The following CD163L1 variants were observed in gnomAD, a reference collection of about 807,000 sequenced individuals.
CD163L1 encodes the protein scavenger receptor cysteine-rich type 1 protein M160.
Under a neutral mutation model 165.4 loss-of-function variants are expected in CD163L1, and 124 were observed. The observed-to-expected ratio is 0.75, with a 90% confidence interval of 0.65 to 0.87. CD163L1 has a LOEUF of 0.87. CD163L1 is among the 40% of genes least tolerant of loss of function. The pLI is 0.00. For synonymous variants in CD163L1, 585 were observed against 662.2 expected, an observed-to-expected ratio of 0.88 and a Z score of 1.79; for missense variants, 1,525 against 1,799.9, an observed-to-expected ratio of 0.85 and a Z score of 2.76.
At chr12:7,320,894 G>A in the CD163L1 span, 2 of 1,157,268 alleles carry the variant, frequency 1.7e-6, no homozygotes, top group Middle Eastern at 3.8e-4. Context: ...GATAGCTCAG[G>A]CTTTCTCAGT....
chr12:7,366,873 T>C (rs1386771011), intron 18 of CD163L1, among the ~76,000 whole-genome samples: 1 of 152,150 alleles, frequency 6.6e-6, no homozygotes, highest in Non-Finnish European at 1.5e-5. Context: ...AGCCACCATA[T>C]TAAAATAGAA....
chr12:7,389,962 A>ATATATATT (rs1947614217), intron 8 of CD163L1, among the ~76,000 whole-genome samples: 1 of 140,644 alleles, frequency 7.1e-6, no homozygotes, highest in African/African-American at 2.6e-5. Context: ...ATATATATTT[A>ATATATATT]TATATATATA....
chr12:7,432,972 T>A lies in CD163L1; in HGVS notation c.446-236A>T, dbSNP rs1948654487. Reference sequence around the variant, plus strand: ...ATTAGCATGATATTCTTTATCATTTTGCTTTAATTTTATACCTCATTTTTC... The same window carrying A: ...ATTAGCATGATATTCTTTATCATTTAGCTTTAATTTTATACCTCATTTTTC... On this transcript the variant is annotated intron_variant, in intron 3 of 19. Transcript: ENST00000313599. The surrounding 1 kb of genome is among the most constrained non-coding windows in gnomAD (Gnocchi z 4.2). Among the ~76,000 whole-genome samples, 1 of 152,232 alleles carries A rather than the reference T, an allele frequency of 6.6e-6. No individual in the cohort carries two copies. The highest frequency in any genetic ancestry group is 2.1e-4 in the South Asian group (1 of 4,832).
rs267603677 is a variant in CD163L1 at position 7,441,176 on chromosome 12, G to A, written c.102C>T (p.Ser34=). ...CACTAAAACTGCTGATGAGAAAGCA[G>A]GAATTCAGGAGCAGGATGCAAGTTA... ...AVVTCILLLN[S]CFLISSFNGT... The change falls in exon 2 of 20, where the codon TCC becomes TCT. Residue 34 remains serine, a synonymous_variant. Transcript: ENST00000313599. 6.2e-7 allele frequency: 1 copy of A among 1,613,970 alleles called. No individual in the cohort carries two copies. Among genetic ancestry groups the A allele is most frequent in the Non-Finnish European group, 8.5e-7 (1 of 1,179,892 alleles).
chr12:7,340,013 G>A, the CD163L1 span, among the ~76,000 whole-genome samples: 1 of 152,150 alleles, frequency 6.6e-6, no homozygotes, highest in South Asian at 2.1e-4. Context: ...CCTGCAGGTT[G>A]TGTATATTAT....
intron 2 of CD163L1, among the ~76,000 whole-genome samples, chr12:7,438,276 T>C (rs1948766470): frequency 2.0e-5 from 3 of 151,076 alleles, no homozygotes; most frequent in Admixed American, 1.3e-4. Context: ...ATATTGCATA[T>C]ATAAATACTC....
downstream of CD163L1, among the ~76,000 whole-genome samples, chr12:7,353,176 A>G (rs1196567798): frequency 6.6e-6 from 1 of 152,038 alleles, no homozygotes; most frequent in Non-Finnish European, 1.5e-5. Context: ...AATAAATGAA[A>G]TGATAAGTTT....
At chr12:7,393,986 C>T (rs755884639) in intron 8 of CD163L1, among the ~76,000 whole-genome samples, 60 of 152,108 alleles carry the variant, frequency 3.9e-4, no homozygotes, top group African/African-American at 1.4e-3. Flanking sequence ...GTGAAAATGG[C>T]CATACTGCCC....
At chr12:7,392,037 T>C (rs1947666756) in intron 8 of CD163L1, among the ~76,000 whole-genome samples, 2 of 152,112 alleles carry the variant, frequency 1.3e-5, no homozygotes, top group African/African-American at 4.8e-5. Context: ...TTAACAAGGA[T>C]ATCCAGGACT....
rs1307155844 is a variant in CD163L1, at chr12:7,421,154, A to T, written c.766+11262T>A. ...ACGTATATATGTATATATGTGTATA[A>T]ATGTATATATATGTATATATGTATA... On this transcript the variant is annotated intron_variant, in intron 4 of 19. Transcript: ENST00000313599. 1.0e-4 allele frequency among the ~76,000 whole-genome samples: 13 copies of T among 130,402 alleles called. No individual in the cohort carries two copies. The East Asian group carries it at 2.2e-3, about 22-fold the overall frequency. 85.5% of individuals were successfully genotyped at this position (130,402 alleles called of 152,430 possible). A position where few individuals can be genotyped will look rare whatever the true frequency, so the allele number is the denominator to read the frequency against.
At chr12:7,380,381 GTGTGTATATGCGTATACACACATGTA>G (rs1337150961) in intron 8 of CD163L1, among the ~76,000 whole-genome samples, 4 of 140,896 alleles carry the variant, frequency 2.8e-5, no homozygotes, top group African/African-American at 1.1e-4. Context: ...ATACATGTAT[GTGTGTATATGCGTATACACACATGTA>G]TGTGTGTATA....
the CD163L1 span, among the ~76,000 whole-genome samples, chr12:7,320,982 C>T: frequency 1.3e-5 from 2 of 152,170 alleles, no homozygotes; most frequent in Non-Finnish European, 2.9e-5. Flanking sequence ...TGTTGAGCAG[C>T]ATCTCAAGAC....
intron 4 of CD163L1, among the ~76,000 whole-genome samples, chr12:7,429,204 A>T (rs150980795): frequency 1.2e-3 from 189 of 152,206 alleles, no homozygotes; most frequent in Admixed American, 4.0e-3. Flanking sequence ...TTTTAGGTTA[A>T]ATAATAGAAT....
intron 8 of CD163L1, among the ~76,000 whole-genome samples, chr12:7,387,616 C>T (rs1043480561): frequency 6.6e-6 from 1 of 152,136 alleles, no homozygotes; most frequent in Non-Finnish European, 1.5e-5. Context: ...ACCTCCTCTT[C>T]TCTCATCATG....
At chr12:7,439,213 C>G (rs146239194) in intron 2 of CD163L1, 2 of 1,580,386 alleles carry the variant, frequency 1.3e-6, no homozygotes, top group African/African-American at 2.7e-5. Context: ...CAGATTCCAC[C>G]TGGGATTCGA....
At chr12:7,435,933 C>A (rs1371879406) in intron 2 of CD163L1, among the ~76,000 whole-genome samples, 1 of 152,018 alleles carries the variant, frequency 6.6e-6, no homozygotes, top group Non-Finnish European at 1.5e-5. Context: ...AAGATAAAAG[C>A]AAGTCCCAGA....
At chr12:7,440,130 G>C in intron 2 of CD163L1, 1 of 706,398 alleles carries the variant, frequency 1.4e-6, no homozygotes, top group South Asian at 1.8e-5. Context: ...CCGCGCCAGC[G>C]TGGCCACGTC....
chr12:7,342,713 A>C (rs1946645538), downstream of CD163L1, among the ~76,000 whole-genome samples: 1 of 152,200 alleles, frequency 6.6e-6, no homozygotes, highest in African/African-American at 2.4e-5. Flanking sequence ...GGCTCACTGC[A>C]GCCTGGACCT....
chr12:7,375,330 A>G lies in CD163L1; in HGVS notation c.2952T>C (p.Leu984=). Residue 984 remains leucine, a synonymous_variant, in exon 11 of 20, where the codon CTT becomes CTC. Transcript: ENST00000313599. ...SLLDNCQMTV[L]GAPPCIHGNT... is the part of the protein sequence containing the mutation. ...TTCCATGGATACAGGGAGGTGCTCC[A>G]AGAACTGTCATTTGACAGTTATCCA... The G allele has an allele frequency of 6.2e-7, 1 of 1,614,168 alleles. No homozygotes were observed. The highest frequency in any genetic ancestry group is 8.5e-7 in the Non-Finnish European group (1 of 1,180,028).
Sources: gnomAD v4.1 joint callset for allele counts (sites outside exome capture counted in the v4.1 genomes callset) on GRCh38, gnomAD v4.1.1 for gene constraint, Gnocchi (gnomAD v3.1) non-coding constraint, MANE v1.5 for transcripts, NCBI Gene and HGNC (gene_info 2026-07-23, HGNC 2026-07-21) for gene names.